ANAPC10: variants seen among roughly 807,000 people sequenced by gnomAD.
ANAPC10 encodes the protein anaphase-promoting complex subunit 10.
ANAPC10 carries 12 observed loss-of-function variants against 22.0 expected under a neutral mutation model. The observed-to-expected ratio is 0.55, with a 90% CI of 0.35 to 0.88. The LOEUF is 0.88. Among genes scored for constraint, ANAPC10 ranks in the 40% least tolerant of loss-of-function variants. The probability of loss-of-function intolerance (pLI) is 0.01; values close to 1 mark genes in which losing one functional copy is unlikely to be tolerated. For missense variants in ANAPC10, 188 were observed against 220.9 expected (o/e 0.85, Z 0.94); for synonymous variants, 65 against 69.5 (o/e 0.94, Z 0.32).
At chr4:145,031,542 G>A (rs931113496) in intron 4 of ANAPC10, among the ~76,000 whole-genome samples, 3 of 152,218 alleles carry the variant, frequency 2.0e-5, no homozygotes, top group African/African-American at 7.2e-5. Flanking sequence ...TGTTACTCCA[G>A]CCCACTTATC....
chr4:145,007,481 C>A (rs1379241572), intron 4 of ANAPC10, among the ~76,000 whole-genome samples: 1 of 151,004 alleles, frequency 6.6e-6, no homozygotes, highest in Non-Finnish European at 1.5e-5. Flanking sequence ...AACTGTCTCT[C>A]AGACCACAAT....
At chr4:145,008,567 C>A (rs552010826) in intron 4 of ANAPC10, among the ~76,000 whole-genome samples, 38 of 152,234 alleles carry the variant, frequency 2.5e-4, no homozygotes, top group Middle Eastern at 6.8e-3. Flanking sequence ...ATCATATAAA[C>A]AGAACCAAAG....
chr4:144,998,607 C>T (rs912702330), intron 4 of ANAPC10, among the ~76,000 whole-genome samples: 5 of 152,156 alleles, frequency 3.3e-5, no homozygotes, highest in Admixed American at 1.3e-4. Flanking sequence ...CTCTGGGACA[C>T]ATGTAAAGCA....
At chr4:145,080,113 CA>C (rs70956824) in intron 3 of ANAPC10, among the ~76,000 whole-genome samples, 123 of 26,808 alleles carry the variant, frequency 4.6e-3, no homozygotes, top group African/African-American at 7.3e-3. Flanking sequence ...GACTCTGTCT[CA>C]AAAAAAAAAA....
At chr4:145,006,626 AT>A (rs1733411842) in intron 4 of ANAPC10, among the ~76,000 whole-genome samples, 2 of 152,298 alleles carry the variant, frequency 1.3e-5, no homozygotes, top group South Asian at 4.1e-4. Context: ...TAGGTCAAAA[AT>A]AAAACGACGA....
intron 4 of ANAPC10, among the ~76,000 whole-genome samples, chr4:145,021,700 T>A (rs1735978690): frequency 1.3e-5 from 2 of 152,038 alleles, no homozygotes; most frequent in African/African-American, 4.8e-5. Flanking sequence ...CTAAAGAGCT[T>A]TTGCATGGCA....
intron 4 of ANAPC10, among the ~76,000 whole-genome samples, chr4:145,026,945 A>C (rs112176287): frequency 5.8e-5 from 1 of 17,138 alleles, no homozygotes; most frequent in Non-Finnish European, 1.2e-4. Context: ...ATATATATAT[A>C]TGTGTGTGTG....
At position 145,079,033 on chromosome 4, in the gene ANAPC10, T is replaced by C. The variant is rs185963303; in HGVS notation, c.206+2627A>G. Among the ~76,000 whole-genome samples the C allele has an allele frequency of 2.0e-3, 311 of 152,220 alleles. 1 individual carries two copies. The highest frequency in any genetic ancestry group is 3.5e-3 in the Non-Finnish European group (239 of 68,020). On this transcript the variant is annotated intron_variant, in intron 3 of 4. Coordinates refer to ENST00000507656, the MANE Select transcript of ANAPC10 (RefSeq NM_001256706.2). Reference sequence around the variant, plus strand: ...TAAAACAAAAATGTAAATTGACAAGTGGGACCTAATTAAACCAAAGAGCTT... The same window carrying C: ...TAAAACAAAAATGTAAATTGACAAGCGGGACCTAATTAAACCAAAGAGCTT...
chr4:145,087,254 C>T (rs995696070), intron 2 of ANAPC10, among the ~76,000 whole-genome samples: 10 of 152,172 alleles, frequency 6.6e-5, no homozygotes, highest in Non-Finnish European at 8.8e-5. Flanking sequence ...CCACTAGAGA[C>T]ATATTTGAGC....
At chr4:145,072,018 A>C (rs1047479650) in intron 3 of ANAPC10, among the ~76,000 whole-genome samples, 30 of 151,872 alleles carry the variant, frequency 2.0e-4, no homozygotes, top group Admixed American at 7.9e-4. Context: ...CACAAAAAAA[A>C]CAAAAAAAAA....
intron 2 of ANAPC10, among the ~76,000 whole-genome samples, chr4:145,094,799 G>C (rs1431148266): frequency 7.3e-6 from 1 of 137,502 alleles, no homozygotes; most frequent in African/African-American, 2.7e-5. Context: ...AGTTACTTAG[G>C]AAAAAAAAAA....
intron 4 of ANAPC10, among the ~76,000 whole-genome samples, chr4:145,038,212 C>T (rs60262386): frequency 0.22 from 33,635 of 151,948 alleles, 4,494 homozygotes; most frequent in East Asian, 0.45. Context: ...TTCAAAAGGA[C>T]GGTTAAAAAG....
chr4:145,050,667 G>C (rs1740975502), intron 4 of ANAPC10, among the ~76,000 whole-genome samples: 1 of 152,196 alleles, frequency 6.6e-6, no homozygotes, highest in Non-Finnish European at 1.5e-5. Flanking sequence ...TCCTCCATCA[G>C]CACTTGCTGC....
intron 3 of ANAPC10, among the ~76,000 whole-genome samples, chr4:145,070,764 A>T (rs1744377248): frequency 6.6e-6 from 1 of 152,256 alleles, no homozygotes. Context: ...TGACGAATGG[A>T]TAAACAAAAT....
intron 4 of ANAPC10, among the ~76,000 whole-genome samples, chr4:145,060,611 T>C (rs866646229): frequency 1.3e-5 from 2 of 151,924 alleles, no homozygotes; most frequent in Non-Finnish European, 2.9e-5. Context: ...AACATTTCAA[T>C]ACACACTACA....
At chr4:145,067,303 T>C (rs1743843454) in intron 3 of ANAPC10, among the ~76,000 whole-genome samples, 1 of 152,132 alleles carries the variant, frequency 6.6e-6, no homozygotes, top group Non-Finnish European at 1.5e-5. Flanking sequence ...AATCACTCCA[T>C]AGTGAATGCT....
intron 3 of ANAPC10, among the ~76,000 whole-genome samples, chr4:145,079,250 C>G (rs1385769732): frequency 6.6e-6 from 1 of 152,070 alleles, no homozygotes; most frequent in East Asian, 1.9e-4. Context: ...AGTAGACATA[C>G]AGCCAACAAG....
intron 4 of ANAPC10, among the ~76,000 whole-genome samples, chr4:145,026,032 G>C (rs569638923): frequency 3.9e-5 from 6 of 152,236 alleles, no homozygotes; most frequent in East Asian, 1.9e-4. Context: ...CTGTACAACT[G>C]GACATTTAAC....
At chr4:145,075,974 A>G (rs1745140426) in intron 3 of ANAPC10, among the ~76,000 whole-genome samples, 1 of 152,052 alleles carries the variant, frequency 6.6e-6, no homozygotes, top group Non-Finnish European at 1.5e-5. Flanking sequence ...GTCTGATCTG[A>G]GCAACACTTT....
Sources: gnomAD v4.1 joint callset for allele counts (sites outside exome capture counted in the v4.1 genomes callset) on GRCh38, gnomAD v4.1.1 for gene constraint, MANE v1.5 for transcripts, NCBI Gene and HGNC (gene_info 2026-07-23, HGNC 2026-07-21) for gene names.